The following SCML2 variants were observed in gnomAD, a reference collection of about 807,000 sequenced individuals.
The protein encoded by SCML2 is Scm polycomb group protein like 2.
In SCML2, 6 loss-of-function variants were observed where a neutral mutation model predicts 48.4. The ratio of observed to expected loss-of-function variants is 0.12; its 90% CI spans 0.07 to 0.24. The LOEUF is 0.24. Ranked by LOEUF, SCML2 falls within the 10% of genes least tolerant of loss-of-function variation. SCML2 has a pLI of 1.00. For synonymous variants in SCML2, 181 were observed against 189.5 expected (o/e 0.95, Z 0.37); for missense variants, 377 against 528.2 (o/e 0.71, Z 2.81).
chrX:18,325,409 T>C (rs1333653581), intron 3 of SCML2, among the ~76,000 whole-genome samples: 1 of 111,785 alleles, frequency 8.9e-6, no homozygotes, highest in Non-Finnish European at 1.9e-5. Context: ...GAGCTAAAGG[T>C]TTAGTGTGCA....
intron 6 of SCML2, among the ~76,000 whole-genome samples, chrX:18,308,627 C>A (rs1466773517): frequency 9.1e-6 from 1 of 109,820 alleles, no homozygotes; most frequent in Non-Finnish European, 1.9e-5. Context: ...TCAAAAAGAC[C>A]AAAAAAATAA....
intron 5 of SCML2, among the ~76,000 whole-genome samples, chrX:18,320,901 G>GA (rs1376388526): frequency 3.6e-5 from 4 of 110,669 alleles, no homozygotes; most frequent in Non-Finnish European, 7.6e-5. Context: ...TACCTCAAAA[G>GA]AAAAAAACCT....
intron 1 of SCML2, among the ~76,000 whole-genome samples, chrX:18,353,447 C>A (rs1460532157): frequency 8.9e-6 from 1 of 111,975 alleles, no homozygotes; most frequent in Admixed American, 9.5e-5. Context: ...AAAAAAACAA[C>A]TATCTCCAAT....
At chrX:18,272,125 C>T (rs182954161) in intron 7 of SCML2, among the ~76,000 whole-genome samples, 1 of 111,214 alleles carries the variant, frequency 9.0e-6, no homozygotes, top group Non-Finnish European at 1.9e-5. Context: ...AAGAGCCACT[C>T]GTCCCATCCC....
At chrX:18,256,475 T>A (rs1324501432) in intron 11 of SCML2, among the ~76,000 whole-genome samples, 1 of 110,978 alleles carries the variant, frequency 9.0e-6, no homozygotes, top group Non-Finnish European at 1.9e-5. Flanking sequence ...CAAAACCGTA[T>A]CATCATTTGT....
At chrX:18,307,415 A>T (rs1173589133) in intron 6 of SCML2, among the ~76,000 whole-genome samples, 1 of 112,045 alleles carries the variant, frequency 8.9e-6, no homozygotes, top group African/African-American at 3.2e-5. Flanking sequence ...ACTGCCTGTT[A>T]CTATGTATGA....
At chrX:18,287,698 G>A (rs1308308314) in intron 7 of SCML2, among the ~76,000 whole-genome samples, 1 of 111,383 alleles carries the variant, frequency 9.0e-6, no homozygotes, top group Non-Finnish European at 1.9e-5. Flanking sequence ...AATTTACATC[G>A]TTTCCCTACC....
intron 5 of SCML2, among the ~76,000 whole-genome samples, chrX:18,322,611 T>C (rs1204216202): frequency 8.9e-6 from 1 of 112,056 alleles, no homozygotes; most frequent in Non-Finnish European, 1.9e-5. Flanking sequence ...AAAAATATTT[T>C]AGCCGGGCAC....
At chrX:18,264,913 C>G (rs1381431545) in intron 8 of SCML2, among the ~76,000 whole-genome samples, 4 of 111,537 alleles carry the variant, frequency 3.6e-5, no homozygotes, top group Admixed American at 1.9e-4. Context: ...CTTCCAAAAT[C>G]CCTCCATTCC....
At chrX:18,339,465 T>C (rs1602148455) in intron 1 of SCML2, among the ~76,000 whole-genome samples, 2 of 112,230 alleles carry the variant, frequency 1.8e-5, no homozygotes, top group Non-Finnish European at 3.8e-5. Flanking sequence ...CCCAGCACTT[T>C]AGGAGGTCAA....
At chrX:18,310,736 C>T (rs920845877) in intron 6 of SCML2, among the ~76,000 whole-genome samples, 33 of 111,029 alleles carry the variant, frequency 3.0e-4, no homozygotes, top group Non-Finnish European at 5.1e-4. Flanking sequence ...CAGGAACGTG[C>T]CACCACATCC....
At chrX:18,242,687 C>T in intron 13 of SCML2, 97 bp from the exon 14 acceptor site, 2 of 939,180 alleles carry the variant, frequency 2.1e-6, no homozygotes, top group Non-Finnish European at 2.9e-6. Flanking sequence ...ATTCCTGGAA[C>T]CTTTTGTTAA....
chrX:18,317,252 C>T (rs1435944400), intron 6 of SCML2, among the ~76,000 whole-genome samples: 2 of 111,309 alleles, frequency 1.8e-5, no homozygotes, highest in African/African-American at 6.6e-5. Flanking sequence ...AAGAATGCAA[C>T]CGTTCACGTT....
intron 9 of SCML2, among the ~76,000 whole-genome samples, chrX:18,259,870 G>A (rs185978251): frequency 1.2e-4 from 13 of 111,625 alleles, no homozygotes; most frequent in African/African-American, 4.2e-4. Flanking sequence ...ATTTTGAAAT[G>A]AGATAAAGGG....
At chrX:18,286,913 C>T (rs1219163813) in intron 7 of SCML2, among the ~76,000 whole-genome samples, 3 of 110,757 alleles carry the variant, frequency 2.7e-5, no homozygotes, top group East Asian at 2.8e-4. Flanking sequence ...ATTGTACCTG[C>T]CTTTTCATAT....
intron 1 of SCML2, among the ~76,000 whole-genome samples, chrX:18,336,527 G>A (rs773204722): frequency 4.5e-4 from 49 of 107,994 alleles, no homozygotes; most frequent in African/African-American, 1.6e-3. Flanking sequence ...ACGAGGTCAG[G>A]AGTACAAGAC....
chrX:18,258,327 C>T, intron 9 of SCML2, 80 bp from the exon 10 acceptor site: 1 of 659,613 alleles, frequency 1.5e-6, no homozygotes. Flanking sequence ...TAATCAATTA[C>T]TATATCCCAC....
chrX:18,250,615 C>A (rs1175229812), intron 11 of SCML2, among the ~76,000 whole-genome samples: 1 of 110,203 alleles, frequency 9.1e-6, no homozygotes, highest in Admixed American at 9.7e-5. Context: ...GATCTCCTGG[C>A]CTTGTGATCC....
intron 4 of SCML2, among the ~76,000 whole-genome samples, chrX:18,324,335 T>C (rs1303924996): frequency 9.0e-6 from 1 of 111,485 alleles, no homozygotes; most frequent in Non-Finnish European, 1.9e-5. Flanking sequence ...GCAACCCAAA[T>C]ACAGCCTCTA....
Sources: gnomAD v4.1 joint callset for allele counts (sites outside exome capture counted in the v4.1 genomes callset) on GRCh38, gnomAD v4.1.1 for gene constraint, MANE v1.5 for transcripts, NCBI Gene and HGNC (gene_info 2026-07-23, HGNC 2026-07-21) for gene names.